SLX9: variants seen among roughly 807,000 people sequenced by gnomAD.
SLX9 encodes SLX9 ribosome biogenesis factor.
In SLX9, 19 loss-of-function variants were observed where a neutral mutation model predicts 20.8. That is an observed-to-expected ratio of 0.91 (90% CI 0.64 to 1.34). The LOEUF (loss-of-function observed/expected upper bound fraction) is 1.34. Among genes scored for constraint, SLX9 ranks in the 40% most tolerant of loss-of-function variants. The probability of loss-of-function intolerance (pLI) is 0.00; values close to 1 mark genes in which losing one functional copy is unlikely to be tolerated. For synonymous variants in SLX9, 113 were observed against 137.1 expected (o/e 0.82, Z 1.23); for missense variants, 299 against 322.2 (o/e 0.93, Z 0.55).
At chr21:44,949,858 C>CACCTGCGGTGGAGGG (rs899243725) in intron 2 of SLX9, among the ~76,000 whole-genome samples, 1 of 152,222 alleles carries the variant, frequency 6.6e-6, no homozygotes, top group South Asian at 2.1e-4. Flanking sequence ...CACCCCCAGG[C>CACCTGCGGTGGAGGG]ACCTGCGGTG....
chr21:44,946,458 G>C (rs2084644569), intron 2 of SLX9, among the ~76,000 whole-genome samples: 1 of 150,848 alleles, frequency 6.6e-6, no homozygotes, highest in Non-Finnish European at 1.5e-5. Flanking sequence ...CGTGCGGCAG[G>C]GTCAGGGTTT....
chr21:44,965,082 C>T (rs1601410434), intron 3 of SLX9, among the ~76,000 whole-genome samples: 1 of 152,256 alleles, frequency 6.6e-6, no homozygotes, highest in East Asian at 1.9e-4. Context: ...GTTGCTTGTT[C>T]TTTGTAAAAA....
intron 5 of SLX9, among the ~76,000 whole-genome samples, chr21:44,975,422 G>C (rs1023839640): frequency 1.1e-4 from 17 of 152,224 alleles, no homozygotes; most frequent in Admixed American, 1.1e-3. Flanking sequence ...GAGCCACACA[G>C]TGCCAGGGGC....
intron 4 of SLX9, 94 bp downstream of exon 4, chr21:44,967,275 C>G (rs2123441961): frequency 6.9e-7 from 1 of 1,457,862 alleles, no homozygotes; most frequent in East Asian, 2.4e-5. Context: ...GGCCACGGTG[C>G]TTCCTGAGCC....
At chr21:44,952,012 G>C (rs924937944) in intron 2 of SLX9, among the ~76,000 whole-genome samples, 1 of 147,712 alleles carries the variant, frequency 6.8e-6, no homozygotes, top group African/African-American at 2.7e-5. Context: ...TACACGTGTC[G>C]TGGGCACAGT....
At chr21:44,948,702 G>C (rs1009397891) in intron 2 of SLX9, among the ~76,000 whole-genome samples, 10 of 152,182 alleles carry the variant, frequency 6.6e-5, no homozygotes, top group Non-Finnish European at 2.9e-5. Context: ...GGCGCCGGTG[G>C]TGGTACAGGA....
chr21:44,969,995 G>T (rs2085113370), intron 4 of SLX9, among the ~76,000 whole-genome samples: 1 of 152,206 alleles, frequency 6.6e-6, no homozygotes, highest in Non-Finnish European at 1.5e-5. Flanking sequence ...ACTGGGTTTG[G>T]GGAGGAAGCC....
intron 3 of SLX9, among the ~76,000 whole-genome samples, chr21:44,965,968 G>T (rs1412477353): frequency 1.3e-5 from 2 of 152,142 alleles, no homozygotes; most frequent in African/African-American, 4.8e-5. Flanking sequence ...ATAAACCCCC[G>T]TGATTCCCAA....
chr21:44,947,146 G>A (rs1277338883), intron 2 of SLX9, among the ~76,000 whole-genome samples: 1 of 152,174 alleles, frequency 6.6e-6, no homozygotes, highest in East Asian at 1.9e-4. Context: ...TGATTGGCTG[G>A]TGCCCTGCGT....
At chr21:44,949,334 G>A (rs1240076667) in intron 2 of SLX9, among the ~76,000 whole-genome samples, 2 of 152,088 alleles carry the variant, frequency 1.3e-5, no homozygotes, top group Non-Finnish European at 2.9e-5. Flanking sequence ...GCTGTCAGGA[G>A]TGTCGGGCCT....
At chr21:44,964,468 C>G (rs1203491304) in intron 3 of SLX9, among the ~76,000 whole-genome samples, 2 of 152,222 alleles carry the variant, frequency 1.3e-5, no homozygotes, top group African/African-American at 2.4e-5. Context: ...GGCCCTCCCA[C>G]TCCTGGAGGC....
At chr21:44,956,662 A>G (rs1039062664) in intron 2 of SLX9, among the ~76,000 whole-genome samples, 1 of 152,216 alleles carries the variant, frequency 6.6e-6, no homozygotes, top group African/African-American at 2.4e-5. Flanking sequence ...GTGAGAATCA[A>G]GGCTTGTTGA....
intron 1 of SLX9, among the ~76,000 whole-genome samples, chr21:44,943,217 C>T (rs1343766684): frequency 6.6e-6 from 1 of 152,122 alleles, no homozygotes; most frequent in Non-Finnish European, 1.5e-5. Context: ...TGGCTCAGAA[C>T]CAGACCTGGC....
chr21:44,951,208 G>A (rs1305551753), intron 2 of SLX9, among the ~76,000 whole-genome samples: 2 of 152,070 alleles, frequency 1.3e-5, no homozygotes, highest in East Asian at 1.9e-4. Flanking sequence ...AGATGAAACC[G>A]TGGCTGCTGC....
intron 5 of SLX9, among the ~76,000 whole-genome samples, chr21:44,975,313 G>A (rs554320202): frequency 9.9e-5 from 15 of 152,178 alleles, no homozygotes; most frequent in African/African-American, 3.1e-4. Context: ...CCCTGAGTAC[G>A]AAACCAAGGA....
At chr21:44,944,935 G>A (rs552828622) in intron 2 of SLX9, among the ~76,000 whole-genome samples, 4 of 152,362 alleles carry the variant, frequency 2.6e-5, no homozygotes, top group African/African-American at 7.2e-5. Context: ...TTTGAGATGA[G>A]GTAGTTGGTG....
rs771650852 is a variant in SLX9, at chr21:44,976,967, G to C, written c.*164G>C. ...GAACTTCCCCTGCACTGCCAGGGCCGTTCCCATGAGCTGCTTCCCTGATTC... is the reference window on the plus strand; with the variant it reads ...GAACTTCCCCTGCACTGCCAGGGCCCTTCCCATGAGCTGCTTCCCTGATTC... On this transcript the variant is annotated 3_prime_UTR_variant, in exon 6 of 6. Transcript: ENST00000291634. 4 of 962,664 alleles carry C rather than the reference G, an allele frequency of 4.2e-6. No individual in the cohort carries two copies. In the East Asian group the frequency reaches 8.0e-5, roughly 19 times the overall value. 59.6% of individuals were successfully genotyped at this position (962,664 alleles called of 1,614,324 possible).
intron 1 of SLX9, among the ~76,000 whole-genome samples, 163 bp downstream of exon 1, chr21:44,940,349 A>G (rs1164760332): frequency 1.3e-5 from 2 of 152,218 alleles, no homozygotes; most frequent in East Asian, 3.8e-4. Context: ...GAAGCGTCGT[A>G]AACTCCGAGG....
Position 44,976,721 on chromosome 21 carries a change from C to G in SLX9, c.611C>G (p.Pro204Arg). Residue 204 changes from proline (P) to arginine (R), a missense_variant, in exon 6 of 6, where the codon CCG becomes CGG. Physicochemically the swap from Pro to Arg is moderately radical, Grantham distance 103 (BLOSUM62 -2). Transcript: ENST00000291634. ...RTRFQELLAS[P>R]AYRASPLVAI... Reference sequence around the variant, plus strand: ...CGGTTTCAGGAGCTGCTGGCCAGTCCGGCCTACAGAGCCAGCCCCCTGGTG... The same window carrying G: ...CGGTTTCAGGAGCTGCTGGCCAGTCGGGCCTACAGAGCCAGCCCCCTGGTG... 1.3e-6 allele frequency: 2 copies of G among 1,573,846 alleles called. No individual in the cohort carries two copies. The highest frequency in any genetic ancestry group is 1.7e-6 in the Non-Finnish European group (2 of 1,160,418).
Sources: gnomAD v4.1 joint callset for allele counts (sites outside exome capture counted in the v4.1 genomes callset) on GRCh38, gnomAD v4.1.1 for gene constraint, MANE v1.5 for transcripts, NCBI Gene and HGNC (gene_info 2026-07-23, HGNC 2026-07-21) for gene names.